The following HACD2 variants were observed in gnomAD, a reference collection of about 807,000 sequenced individuals.
HACD2 encodes 3-hydroxyacyl-CoA dehydratase 2.
HACD2 carries 15 observed loss-of-function variants against 31.0 expected under a neutral mutation model. The observed-to-expected ratio is 0.48, with a 90% confidence interval of 0.32 to 0.75. HACD2 has a LOEUF of 0.75. Among genes scored for constraint, HACD2 ranks in the 30% least tolerant of loss-of-function variants. The pLI is 0.03. For missense variants in HACD2, 283 were observed against 313.0 expected, an observed-to-expected ratio of 0.90 and a Z score of 0.72; for synonymous variants, 115 against 122.2, an observed-to-expected ratio of 0.94 and a Z score of 0.39.
chr3:123,527,454 T>C (rs1200440843), intron 4 of HACD2, among the ~76,000 whole-genome samples: 2 of 152,198 alleles, frequency 1.3e-5, no homozygotes, highest in African/African-American at 4.8e-5. Context: ...AGTGTATCCA[T>C]ACTGTATATG....
rs564710349 is a variant in HACD2, at chr3:123,518,890, G to A, written c.381+9496C>T. On this transcript the variant is annotated intron_variant, in intron 4 of 6. Coordinates refer to ENST00000383657, the MANE Select transcript of HACD2 (RefSeq NM_198402.5). ...GCGTGCCTGTAAGTCCCAGCTCCTA[G>A]GGAGGCTGAGGCAGGAGAATCGCTT... Among the ~76,000 whole-genome samples, 80 of 151,552 alleles carry A rather than the reference G, an allele frequency of 5.3e-4. 2 individuals carry two copies. In the South Asian group the frequency reaches 8.6e-3, roughly 16 times the overall value.
rs189011050 is a variant in HACD2 at position 123,518,414 on chromosome 3, C to A, written c.381+9972G>T. Among the ~76,000 whole-genome samples the A allele has an allele frequency of 2.4e-3, 361 of 152,274 alleles. 1 individual carries two copies. The highest frequency in any genetic ancestry group is 3.9e-3 in the Non-Finnish European group (263 of 68,028). Reference sequence around the variant, plus strand: ...TTTTCTTCCATGTTCTTTTAAAATCCTGTGGGACAGACCTCTGCCGCCAGT... The same window carrying A: ...TTTTCTTCCATGTTCTTTTAAAATCATGTGGGACAGACCTCTGCCGCCAGT... On this transcript the variant is annotated intron_variant, in intron 4 of 6. Transcript: ENST00000383657.
At chr3:123,502,484 C>G in intron 5 of HACD2, 76 bp downstream of exon 5, 1 of 1,462,916 alleles carries the variant, frequency 6.8e-7, no homozygotes, top group Non-Finnish European at 9.3e-7. Flanking sequence ...AACTTTGAGG[C>G]AATATTTAGG....
intron 3 of HACD2, among the ~76,000 whole-genome samples, chr3:123,531,539 G>T (rs1221026214): frequency 1.3e-5 from 2 of 152,002 alleles, no homozygotes; most frequent in African/African-American, 2.4e-5. Context: ...ACTGACCTCA[G>T]GTCATCCACC....
In HACD2 at chr3:123,492,803, A is replaced by G. The variant is rs961163597; in HGVS notation, c.*2085T>C. On this transcript the variant is annotated 3_prime_UTR_variant, in exon 7 of 7. Transcript: ENST00000383657. ...GAAAAAATCTAACAGAACAAAGTAAATGACAAATATAACCCAAGTTGATTC... is the reference window on the plus strand; with the variant it reads ...GAAAAAATCTAACAGAACAAAGTAAGTGACAAATATAACCCAAGTTGATTC... 1 of 152,258 alleles carries G rather than the reference A, an allele frequency of 6.6e-6. No homozygotes were observed. Among genetic ancestry groups the G allele is most frequent in the African/African-American group, 2.4e-5 (1 of 41,474 alleles). 9.4% of individuals were successfully genotyped at this position (152,258 alleles called of 1,614,324 possible). A position where few individuals can be genotyped will look rare whatever the true frequency, so the allele number is the denominator to read the frequency against.
In HACD2 at chr3:123,511,597, G is replaced by C. The variant is rs73188541; in HGVS notation, c.382-8916C>G. ...GAAGAGGTTCACCAAGAAAGACTGA[G>C]TAAAGCATAAAAAACTACAGGTCAC... On this transcript the variant is annotated intron_variant, in intron 4 of 6. Coordinates refer to ENST00000383657, the MANE Select transcript of HACD2 (RefSeq NM_198402.5). Among the ~76,000 whole-genome samples, 649 of 152,228 alleles carry C rather than the reference G, an allele frequency of 4.3e-3. 2 individuals carry two copies. Among genetic ancestry groups the C allele is most frequent in the Admixed American group, 6.4e-3 (98 of 15,294 alleles).
chr3:123,535,310 A>G (rs1009805796), intron 3 of HACD2, among the ~76,000 whole-genome samples: 5 of 152,232 alleles, frequency 3.3e-5, no homozygotes, highest in African/African-American at 1.2e-4. Context: ...TAGAAGCAAC[A>G]AGCTAGACCA....
chr3:123,504,551 AC>A (rs2055949261), intron 4 of HACD2, among the ~76,000 whole-genome samples: 1 of 151,552 alleles, frequency 6.6e-6, no homozygotes, highest in African/African-American at 2.4e-5. Context: ...AACAAACAAA[AC>A]CCAAAACCGC....
intron 3 of HACD2, among the ~76,000 whole-genome samples, chr3:123,540,216 C>G (rs2107718556): frequency 6.6e-6 from 1 of 152,032 alleles, no homozygotes; most frequent in East Asian, 1.9e-4. Context: ...ATTTTCTTTT[C>G]TACTTCCTCC....
chr3:123,559,196 C>T (rs1017078295), intron 3 of HACD2, among the ~76,000 whole-genome samples: 1 of 152,078 alleles, frequency 6.6e-6, no homozygotes, highest in East Asian at 1.9e-4. Flanking sequence ...GAAGTCATCC[C>T]GAAGCCCTAT....
intron 3 of HACD2, among the ~76,000 whole-genome samples, chr3:123,544,476 C>T (rs1329316533): frequency 8.6e-5 from 13 of 151,942 alleles, no homozygotes; most frequent in Non-Finnish European, 2.9e-5. Context: ...ATTGTCATGC[C>T]CCAAAATAAA....
Position 123,515,810 on chromosome 3 carries a change from C to A in HACD2, c.381+12576G>T, listed in dbSNP as rs1463074073. The stretch of plus-strand genomic sequence containing the variant: ...TTGCTCTGTCACCCAGGCTGCAGTG[C>A]AGTGGCACAGTGTCAGCTCACTGCA... On this transcript the variant is annotated intron_variant, in intron 4 of 6. Coordinates refer to ENST00000383657, the MANE Select transcript of HACD2 (RefSeq NM_198402.5). 2.6e-5 allele frequency among the ~76,000 whole-genome samples: 4 copies of A among 152,030 alleles called. No homozygotes were observed. In the East Asian group the frequency reaches 7.7e-4, roughly 29 times the overall value.
At chr3:123,523,003 G>A (rs2107701417) in intron 4 of HACD2, among the ~76,000 whole-genome samples, 1 of 152,270 alleles carries the variant, frequency 6.6e-6, no homozygotes, top group East Asian at 1.9e-4. Flanking sequence ...GCCTCACCAT[G>A]ATACCACGTT....
chr3:123,574,754 A>T (rs542977115), intron 2 of HACD2, among the ~76,000 whole-genome samples: 2 of 152,238 alleles, frequency 1.3e-5, no homozygotes, highest in South Asian at 4.1e-4. Context: ...CCTTGCCCCA[A>T]AATACCACGC....
chr3:123,502,521 T>C (rs140728218), intron 5 of HACD2, 39 bp downstream of exon 5: 2 of 1,597,524 alleles, frequency 1.3e-6, no homozygotes, highest in African/African-American at 2.7e-5. Flanking sequence ...CAATGACAGA[T>C]CATTTCAAAA....
At chr3:123,496,461 C>T (rs1224795219) in intron 6 of HACD2, among the ~76,000 whole-genome samples, 3 of 152,116 alleles carry the variant, frequency 2.0e-5, no homozygotes, top group African/African-American at 7.2e-5. Context: ...CAAAGTACGC[C>T]GGGACACCAG....
At chr3:123,503,955 G>C (rs2055940656) in intron 4 of HACD2, among the ~76,000 whole-genome samples, 1 of 152,204 alleles carries the variant, frequency 6.6e-6, no homozygotes, top group Non-Finnish European at 1.5e-5. Context: ...GAAATAAGTA[G>C]TCATTTACAT....
chr3:123,498,033 G>A (rs1387362333), intron 6 of HACD2, among the ~76,000 whole-genome samples: 1 of 152,208 alleles, frequency 6.6e-6, no homozygotes, highest in Admixed American at 6.5e-5. Flanking sequence ...GAAATGTGCA[G>A]CTGGCCAGAA....
chr3:123,524,024 A>G (rs1576748855), intron 4 of HACD2, among the ~76,000 whole-genome samples: 1 of 152,220 alleles, frequency 6.6e-6, no homozygotes, highest in South Asian at 2.1e-4. Flanking sequence ...ATCTTTACTT[A>G]GCAGTTTAAG....
Sources: gnomAD v4.1 joint callset for allele counts (sites outside exome capture counted in the v4.1 genomes callset) on GRCh38, gnomAD v4.1.1 for gene constraint, MANE v1.5 for transcripts, NCBI Gene and HGNC (gene_info 2026-07-23, HGNC 2026-07-21) for gene names.